The following ACSL4 variants were observed in gnomAD, a reference collection of about 807,000 sequenced individuals.
ACSL4 encodes the protein acyl-CoA synthetase long chain family member 4.
A neutral mutation model predicts 49.1 loss-of-function variants in ACSL4; 9 were observed. That is an observed-to-expected ratio of 0.18 (90% confidence interval 0.11 to 0.32). The LOEUF is 0.32. ACSL4 is among the 10% of genes least tolerant of loss of function. The pLI is 1.00. For missense variants in ACSL4, 333 were observed against 493.7 expected, an observed-to-expected ratio of 0.67 and a Z score of 3.08; for synonymous variants, 191 against 170.3, an observed-to-expected ratio of 1.12 and a Z score of -0.95.
rs752416241 is a variant in ACSL4 at position 109,678,128 on chromosome X, G to T, written c.807-17C>A. Reference sequence around the variant, plus strand: ...TCCTTCGGTCTAAAACAAAATAAGAGAAATATTTTAACCATTCTTGAAAAG... The same window carrying T: ...TCCTTCGGTCTAAAACAAAATAAGATAAATATTTTAACCATTCTTGAAAAG... On this transcript the variant is annotated splice_polypyrimidine_tract_variant and intron_variant, in intron 7 of 15. Transcript: ENST00000672401. The T allele has an allele frequency of 2.1e-5, 25 of 1,209,791 alleles. No individual in the cohort carries two copies. Among genetic ancestry groups the T allele is most frequent in the Non-Finnish European group, 2.5e-5 (22 of 894,457 alleles).
chrX:109,721,054 C>T (rs759027246), intron 1 of ACSL4, among the ~76,000 whole-genome samples: 1 of 112,444 alleles, frequency 8.9e-6, no homozygotes, highest in East Asian at 2.8e-4. Flanking sequence ...TTCAACTGTT[C>T]TTTGAAGCTG....
intron 1 of ACSL4, among the ~76,000 whole-genome samples, chrX:109,712,314 G>T (rs1020692375): frequency 9.0e-6 from 1 of 111,456 alleles, no homozygotes; most frequent in East Asian, 2.8e-4. Context: ...GCCCAGGCTG[G>T]TCTCAAAACT....
intron 1 of ACSL4, among the ~76,000 whole-genome samples, chrX:109,698,811 A>G (rs1007793279): frequency 1.8e-5 from 2 of 112,346 alleles, no homozygotes; most frequent in Non-Finnish European, 3.8e-5. Context: ...GTGTCATTCA[A>G]TTTCAGACAA....
chrX:109,678,382 T>G lies in ACSL4; in HGVS notation c.689A>C (p.Asp230Ala). ...ACTAGTATACATAACAATGGCCATGTCTGAAGGCGTTGGTCTACTTGGAGG... is the reference window on the plus strand; with the variant it reads ...ACTAGTATACATAACAATGGCCATGGCTGAAGGCGTTGGTCTACTTGGAGG... The part of the protein sequence containing the change: ...GIPPSRPTPS[D>A]MAIVMYTSGS... The change falls in exon 7 of 16, where the codon GAC becomes GCC. Residue 230 changes from aspartate (D) to alanine (A), a missense_variant. Physicochemically the swap from Asp to Ala is moderately radical, Grantham distance 126. Around this residue, in one of 3 missense-constraint regions of ACSL4, gnomAD observed 157 missense variants for 201.1 expected, o/e 0.78. Transcript: ENST00000672401. 1 of 1,212,024 alleles carries G rather than the reference T, an allele frequency of 8.3e-7. No homozygotes were observed. The highest frequency in any genetic ancestry group is 1.1e-6 in the Non-Finnish European group (1 of 895,495).
At chrX:109,668,887 G>C (rs1922914977) in intron 10 of ACSL4, 147 bp downstream of exon 10, 2 of 452,304 alleles carry the variant, frequency 4.4e-6, no homozygotes, top group African/African-American at 2.5e-5. Context: ...TAAACAATAA[G>C]ACTTAGAATA....
In ACSL4 at chrX:109,683,739, G is replaced by T. The variant is rs1177611752; in HGVS notation, c.-12-364C>A. ...CAAAAAACAAAAAACAAAAACAAAA[G>T]AATATTAACAAGTTGATAGCACAAT... is the stretch of plus-strand genomic sequence containing the variant. On this transcript the variant is annotated intron_variant, in intron 2 of 15. Coordinates refer to ENST00000672401, the MANE Select transcript of ACSL4 (RefSeq NM_001318510.2). 3 of 326,600 alleles carry T rather than the reference G, an allele frequency of 9.2e-6. No homozygotes were observed. The East Asian group carries it at 1.5e-4, about 16-fold the overall frequency. 26.9% of individuals were successfully genotyped at this position (326,600 alleles called of 1,213,427 possible).
intron 9 of ACSL4, among the ~76,000 whole-genome samples, chrX:109,670,189 T>A (rs1350368527): frequency 8.9e-6 from 1 of 112,352 alleles, no homozygotes; most frequent in Admixed American, 9.4e-5. Flanking sequence ...ATATCAATTA[T>A]CAGTACAAAT....
intron 1 of ACSL4, among the ~76,000 whole-genome samples, chrX:109,725,838 G>A (rs923720522): frequency 1.8e-5 from 2 of 111,648 alleles, no homozygotes; most frequent in Admixed American, 1.9e-4. Context: ...TAAGCGGACA[G>A]TATTTTTTTT....
At chrX:109,719,775 C>G (rs998901018) in intron 1 of ACSL4, among the ~76,000 whole-genome samples, 7 of 110,860 alleles carry the variant, frequency 6.3e-5, no homozygotes, top group Non-Finnish European at 1.3e-4. Flanking sequence ...CACCTGAGGT[C>G]GGGAGTTCGG....
Position 109,661,556 on chromosome X carries a change from C to T in ACSL4, c.1672G>A (p.Asp558Asn), listed in dbSNP as rs1922180869. 8.3e-7 allele frequency: 1 copy of T among 1,206,456 alleles called. No homozygotes were observed. Among genetic ancestry groups the T allele is most frequent in the African/African-American group, 1.8e-5 (1 of 57,011 alleles). ...EAALKNCPLI[D>N]NICAFAKSDQ... The stretch of plus-strand genomic sequence containing the variant: ...CTTTTGGCAAAAGCACAGATGTTGT[C>T]AATAAGTGGACAATTCTTCAGTGCA... The change falls in exon 14 of 16, where the codon GAC (aspartate) becomes AAC (asparagine). Residue 558 changes from aspartate (D) to asparagine (N), a missense_variant. By Grantham distance (23) the Asp-to-Asn change is conservative (BLOSUM62 1). Transcript: ENST00000672401.
At position 109,641,402 on chromosome X, in the gene ACSL4, T is replaced by G. The variant is rs1452733479; in HGVS notation, c.*2627A>C. ...ACTTAAAAACAAGAACAAACAAAGC[T>G]TTTCATCAAGAATAAACACAAAATC... is the stretch of plus-strand genomic sequence containing the variant. On this transcript the variant is annotated 3_prime_UTR_variant, in exon 16 of 16. Transcript: ENST00000672401. The G allele has an allele frequency of 8.8e-6, 1 of 113,281 alleles. No individual in the cohort carries two copies. The allele number at this position is 113,281 out of a possible 1,213,427, so 9.3% of individuals were successfully genotyped here. A position where few individuals can be genotyped will look rare whatever the true frequency, so the allele number is the denominator to read the frequency against.
intron 1 of ACSL4, among the ~76,000 whole-genome samples, chrX:109,728,925 A>C (rs1184684654): frequency 9.0e-6 from 1 of 111,517 alleles, no homozygotes; most frequent in African/African-American, 3.3e-5. Flanking sequence ...ATTAAGAATA[A>C]AAAGGCCAGG....
chrX:109,674,306 G>A, intron 9 of ACSL4, 96 bp downstream of exon 9: 1 of 696,338 alleles, frequency 1.4e-6, no homozygotes, highest in African/African-American at 2.1e-5. Flanking sequence ...TTAAAATGTA[G>A]ACATATCTAA....
At chrX:109,644,228 G>T in intron 15 of ACSL4, 42 bp from the exon 16 acceptor site, 5 of 1,145,985 alleles carry the variant, frequency 4.4e-6, no homozygotes, top group Non-Finnish European at 5.9e-6. Flanking sequence ...GAGAGGGGGG[G>T]AAAGAGACGA....
chrX:109,647,243 C>T (rs1003244582), intron 15 of ACSL4, among the ~76,000 whole-genome samples: 10 of 111,620 alleles, frequency 9.0e-5, no homozygotes, highest in Non-Finnish European at 1.7e-4. Flanking sequence ...CCACACCACA[C>T]CTATTCCAAA....
At chrX:109,690,763 G>T (rs767604289) in intron 2 of ACSL4, among the ~76,000 whole-genome samples, 1 of 101,550 alleles carries the variant, frequency 9.8e-6, no homozygotes, top group Non-Finnish European at 2.0e-5. Flanking sequence ...ATTTTAGGGG[G>T]GGGGGGCCTC....
At chrX:109,687,181 A>G (rs1263756390) in intron 2 of ACSL4, among the ~76,000 whole-genome samples, 1 of 111,858 alleles carries the variant, frequency 8.9e-6, no homozygotes, top group African/African-American at 3.3e-5. Flanking sequence ...AAACTATAAT[A>G]CTTCCTTGTC....
At chrX:109,686,554 A>G (rs183781083) in intron 2 of ACSL4, among the ~76,000 whole-genome samples, 172 of 112,254 alleles carry the variant, frequency 1.5e-3, no homozygotes, top group African/African-American at 5.4e-3. Context: ...CTTACCCTCA[A>G]TTGAGAAATC....
At chrX:109,671,136 T>G (rs1923175370) in intron 9 of ACSL4, among the ~76,000 whole-genome samples, 1 of 102,735 alleles carries the variant, frequency 9.7e-6, no homozygotes, top group Non-Finnish European at 2.0e-5. Context: ...GTCTGGGAAG[T>G]GAGGAGCGCC....
Sources: allele counts gnomAD v4.1 joint callset (sites outside exome capture counted in the v4.1 genomes callset), GRCh38; gene constraint gnomAD v4.1.1; regional missense constraint gnomAD v4.1.1; transcripts MANE v1.5; gene names NCBI Gene and HGNC (gene_info 2026-07-23, HGNC 2026-07-21).